JHY: variants seen among roughly 807,000 people sequenced by gnomAD.
JHY encodes junctional cadherin complex regulator.
JHY carries 69 observed loss-of-function variants against 78.0 expected under a neutral mutation model. That is an observed-to-expected ratio of 0.88 (90% CI 0.73 to 1.08). JHY has a LOEUF of 1.08. Ranked by LOEUF, JHY falls within the 50% of genes least tolerant of loss-of-function variation. The pLI is 0.00. For missense variants in JHY, 944 were observed against 927.8 expected (o/e 1.02, Z -0.23); for synonymous variants, 368 against 342.6 (o/e 1.07, Z -0.82).
At chr11:122,930,471 A>G (rs575093077) in intron 4 of JHY, among the ~76,000 whole-genome samples, 23 of 152,338 alleles carry the variant, frequency 1.5e-4, no homozygotes, top group Middle Eastern at 3.4e-3. Context: ...TTTACATGCT[A>G]GAAAGAACGA....
chr11:122,958,337 A>G (rs984361981), intron 8 of JHY, among the ~76,000 whole-genome samples: 3 of 152,222 alleles, frequency 2.0e-5, no homozygotes, highest in Non-Finnish European at 2.9e-5. Context: ...TTCACAGACC[A>G]TCATATTTTC....
intron 4 of JHY, among the ~76,000 whole-genome samples, chr11:122,932,546 A>G (rs1863657056): frequency 6.6e-6 from 1 of 152,196 alleles, no homozygotes; most frequent in African/African-American, 2.4e-5. Flanking sequence ...TTTAGATGGC[A>G]GCATCCTGGT....
At chr11:122,901,335 T>C (rs1447943480) in intron 2 of JHY, among the ~76,000 whole-genome samples, 2 of 152,206 alleles carry the variant, frequency 1.3e-5, no homozygotes, top group East Asian at 3.8e-4. Context: ...CCTAGGACAT[T>C]ACTGTAAGCT....
In JHY at chr11:122,961,479, C is replaced by T. The variant is rs544287769; in HGVS notation, c.*2034C>T. Among the ~76,000 whole-genome samples the T allele has an allele frequency of 6.6e-5, 10 of 152,246 alleles. No individual in the cohort carries two copies. In the East Asian group the frequency reaches 1.2e-3, roughly 18 times the overall value. On this transcript the variant is annotated 3_prime_UTR_variant, in exon 9 of 9. Transcript: ENST00000227349. ...AAGCAATTCTCCTGTCTCAGCCTCC[C>T]GAGTAGCCGAGATTGCAAGCGTGCA...
rs761328037 is a variant in JHY at position 122,886,052 on chromosome 11, G to GTA, written c.205_206dup (p.Met69IlefsTer7). On this transcript the variant is annotated frameshift_variant, in exon 2 of 9. Coordinates refer to ENST00000227349, the MANE Select transcript of JHY (RefSeq NM_024806.4). LOFTEE classifies it high-confidence loss of function. The stretch of plus-strand genomic sequence containing the variant: ...TTTGATGATCGAATCCGGGGCAACG[G>GTA]TATGGAGCCCGACAGCTTAGACGAG... 4.3e-6 allele frequency: 7 copies of GTA among 1,614,112 alleles called. No homozygotes were observed. The highest frequency in any genetic ancestry group is 3.4e-6 in the Non-Finnish European group (4 of 1,180,046).
At chr11:122,936,926 A>G (rs1400267810) in intron 5 of JHY, among the ~76,000 whole-genome samples, 1 of 152,148 alleles carries the variant, frequency 6.6e-6, no homozygotes, top group African/African-American at 2.4e-5. Flanking sequence ...TTTATATACA[A>G]TTGGCCTTAC....
intron 3 of JHY, among the ~76,000 whole-genome samples, chr11:122,909,030 A>G (rs989493722): frequency 4.6e-5 from 7 of 152,172 alleles, no homozygotes; most frequent in African/African-American, 1.7e-4. Flanking sequence ...GCTTATTCAC[A>G]GATTGTTCAT....
At chr11:122,920,311 A>G (rs1863334151) in intron 3 of JHY, among the ~76,000 whole-genome samples, 1 of 152,240 alleles carries the variant, frequency 6.6e-6, no homozygotes, top group Admixed American at 6.5e-5. Context: ...AATCAACTCT[A>G]TTTAATTTGG....
chr11:122,941,718 T>G (rs968096434), intron 5 of JHY, among the ~76,000 whole-genome samples: 3 of 152,226 alleles, frequency 2.0e-5, no homozygotes, highest in Admixed American at 1.3e-4. Context: ...TCATTGATTT[T>G]AAATTTTATT....
In JHY at chr11:122,946,777, A is replaced by G. The variant is rs1591396938; in HGVS notation, c.1914A>G (p.Lys638=). The G allele has an allele frequency of 6.2e-7, 1 of 1,612,192 alleles. No homozygotes were observed. The highest frequency in any genetic ancestry group is 2.2e-5 in the East Asian group (1 of 44,886). ...FQLEKGKKHK[K]RSSSKNTKLK... ...TGGAAAAGGGAAAAAAGCATAAGAA[A>G]AGAAGCAGCAGTAAGGTAATAAAAG... The change falls in exon 6 of 9, where the codon AAA becomes AAG. Residue 638 remains lysine, a synonymous_variant. Transcript: ENST00000227349.
chr11:122,956,713 T>C, intron 7 of JHY, 137 bp downstream of exon 7: 1 of 613,988 alleles, frequency 1.6e-6, no homozygotes. Context: ...TGAAATAATC[T>C]TGGTATAGAG....
At chr11:122,958,526 T>G (rs1001573155) in intron 8 of JHY, among the ~76,000 whole-genome samples, 1 of 142,580 alleles carries the variant, frequency 7.0e-6, no homozygotes, top group African/African-American at 2.9e-5. Context: ...AGTCTAGACT[T>G]TTCTTTTCTA....
intron 5 of JHY, among the ~76,000 whole-genome samples, chr11:122,942,580 T>C (rs1257213006): frequency 6.6e-6 from 1 of 151,900 alleles, no homozygotes; most frequent in African/African-American, 2.4e-5. Context: ...TACGCCACCA[T>C]GCCCAGCTAA....
chr11:122,903,520 C>T (rs1862905668), intron 2 of JHY, among the ~76,000 whole-genome samples: 1 of 152,052 alleles, frequency 6.6e-6, no homozygotes, highest in Non-Finnish European at 1.5e-5. Flanking sequence ...ACGCTGTCTC[C>T]CAGGCTGGAG....
At chr11:122,887,035 G>A (rs1172174188) in intron 2 of JHY, among the ~76,000 whole-genome samples, 2 of 152,212 alleles carry the variant, frequency 1.3e-5, no homozygotes, top group East Asian at 3.8e-4. Context: ...TTGAGGCACT[G>A]AGGATATGAG....
intron 2 of JHY, among the ~76,000 whole-genome samples, chr11:122,887,523 A>G (rs539205394): frequency 6.6e-6 from 1 of 152,112 alleles, no homozygotes; most frequent in South Asian, 2.1e-4. Flanking sequence ...GGGTTTCACC[A>G]TGTTGGCCAG....
chr11:122,959,158 T>C (rs887201828), intron 8 of JHY, 90 bp from the exon 9 acceptor site: 1 of 1,444,888 alleles, frequency 6.9e-7, no homozygotes, highest in Non-Finnish European at 9.3e-7. Flanking sequence ...TAGTCTCCAT[T>C]TATATTATAA....
Position 122,942,658 on chromosome 11 carries a change from G to A in JHY, c.1635-3840G>A, listed in dbSNP as rs7113695. Among the ~76,000 whole-genome samples, 1,133 of 151,512 alleles carry A rather than the reference G, an allele frequency of 7.5e-3. 13 individuals carry two copies. Among genetic ancestry groups the A allele is most frequent in the African/African-American group, 0.025 (1,049 of 41,300 alleles). On this transcript the variant is annotated intron_variant, in intron 5 of 8. Transcript: ENST00000227349. The stretch of plus-strand genomic sequence containing the variant: ...AGGCTGGTCTTGAACTCCTGACCTC[G>A]AGTGATCCACCTGCCTTGGCCTCCC...
At chr11:122,901,697 C>A (rs1229451178) in intron 2 of JHY, among the ~76,000 whole-genome samples, 1 of 151,622 alleles carries the variant, frequency 6.6e-6, no homozygotes, top group African/African-American at 2.4e-5. Context: ...CACGGTGAAA[C>A]CCTGTCTCTA....
Sources: gnomAD v4.1 joint callset for allele counts (sites outside exome capture counted in the v4.1 genomes callset) on GRCh38, gnomAD v4.1.1 for gene constraint, MANE v1.5 for transcripts, NCBI Gene and HGNC (gene_info 2026-07-23, HGNC 2026-07-21) for gene names.